Variants in PHC2 observed in about 807,000 individuals in gnomAD.
The protein encoded by PHC2 is polyhomeotic-like protein 2.
In PHC2, 29 loss-of-function variants were observed where a neutral mutation model predicts 87.4. That is an observed-to-expected ratio of 0.33 (90% confidence interval 0.25 to 0.45). The LOEUF (loss-of-function observed/expected upper bound fraction) is 0.45, where lower values mean the gene tolerates loss of function less well. Ranked by LOEUF, PHC2 falls within the 20% of genes least tolerant of loss-of-function variation. PHC2 has a pLI of 1.00. For missense variants in PHC2, 857 were observed against 1,136.7 expected (o/e 0.75, Z 3.54); for synonymous variants, 438 against 461.7 (o/e 0.95, Z 0.66).
intron 1 of PHC2, among the ~76,000 whole-genome samples, chr1:33,391,870 T>G (rs1473621277): frequency 6.6e-6 from 1 of 152,112 alleles, no homozygotes; most frequent in East Asian, 1.9e-4. Flanking sequence ...GGCAATTAGC[T>G]TGGCTGGGAT....
At chr1:33,345,439 G>T in intron 9 of PHC2, 1 of 528,770 alleles carries the variant, frequency 1.9e-6, no homozygotes, top group Non-Finnish European at 2.4e-6. Context: ...AATATCATTT[G>T]GAAATTGGAA....
intron 1 of PHC2, among the ~76,000 whole-genome samples, chr1:33,389,059 TAAAA>T (rs72505785): frequency 1.5e-5 from 2 of 137,876 alleles, no homozygotes; most frequent in Middle Eastern, 3.6e-3. Context: ...ATGTTCTTGT[TAAAA>T]AAAAAAAAAA....
Position 33,372,386 on chromosome 1 carries a change from T to C in PHC2, c.236A>G (p.Tyr79Cys). 1 of 1,607,122 alleles carries C rather than the reference T, an allele frequency of 6.2e-7. No homozygotes were observed. The highest frequency in any genetic ancestry group is 8.5e-7 in the Non-Finnish European group (1 of 1,176,140). The stretch of plus-strand genomic sequence containing the variant: ...CATGAGGTGCTGCTGCTGGGCGGCG[T>C]ACATCTGCTGCAGGTACTGAGCGGC... ...STAAQYLQQM[Y>C]AAQQQHLMLQ... Residue 79 changes from tyrosine to cysteine, a missense_variant, in exon 3 of 15, where the codon TAC becomes TGC. Coordinates refer to ENST00000683057, the MANE Select transcript of PHC2 (RefSeq NM_001385109.1).
rs145325204 is a variant in PHC2, at chr1:33,392,167, G to GCACACA, written c.-54-16580_-54-16575dup. Among the ~76,000 whole-genome samples, 315 of 150,338 alleles carry GCACACA rather than the reference G, an allele frequency of 2.1e-3. 2 individuals are homozygous for GCACACA. Among genetic ancestry groups the GCACACA allele is most frequent in the African/African-American group, 2.7e-3 (109 of 40,978 alleles). On this transcript the variant is annotated intron_variant, in intron 1 of 14. Coordinates refer to ENST00000683057, the MANE Select transcript of PHC2 (RefSeq NM_001385109.1). ...GCTTCAGCTGTGTGCACACATACGT[G>GCACACA]CACACACACACACACACACACATGC...
At chr1:33,357,554 A>G (rs1422886611) in intron 7 of PHC2, among the ~76,000 whole-genome samples, 1 of 152,166 alleles carries the variant, frequency 6.6e-6, no homozygotes, top group East Asian at 1.9e-4. Context: ...AGGTTTGGGA[A>G]ACTTGGACAC....
Position 33,382,604 on chromosome 1 carries a change from T to G in PHC2, c.-54-7011A>C, listed in dbSNP as rs1437093257. 6.6e-6 allele frequency among the ~76,000 whole-genome samples: 1 copy of G among 152,172 alleles called. No individual in the cohort carries two copies. Among genetic ancestry groups the G allele is most frequent in the Non-Finnish European group, 1.5e-5 (1 of 68,036 alleles). On this transcript the variant is annotated intron_variant, in intron 1 of 14. Transcript: ENST00000683057. This position sits in a 1 kb window ranked among gnomAD's most constrained non-coding sequence, Gnocchi z 4.3. ...TGTGTGGTTTTGTATGAGCCCGGGCTCTGAAGGGCTATGATTCCTATTTAA... is the reference window on the plus strand; with the variant it reads ...TGTGTGGTTTTGTATGAGCCCGGGCGCTGAAGGGCTATGATTCCTATTTAA...
At chr1:33,343,081 G>A (rs1297863139) in intron 9 of PHC2, among the ~76,000 whole-genome samples, 1 of 152,136 alleles carries the variant, frequency 6.6e-6, no homozygotes, top group Non-Finnish European at 1.5e-5. Flanking sequence ...TGTCTGGGAG[G>A]TTTCAGTAAA....
intron 12 of PHC2, 39 bp from the exon 13 acceptor site, chr1:33,330,251 T>C (rs112672522): frequency 1.2e-6 from 2 of 1,609,000 alleles, no homozygotes; most frequent in African/African-American, 1.3e-5. Flanking sequence ...ACAGTAGTCA[T>C]TGTGCTTATG....
Position 33,369,806 on chromosome 1 carries a change from C to A in PHC2, c.576+615G>T, listed in dbSNP as rs1647711851. On this transcript the variant is annotated intron_variant, in intron 5 of 14. Transcript: ENST00000683057. The surrounding 1 kb of genome is among the most constrained non-coding windows in gnomAD (Gnocchi z 4.7). ...CACCCAGGGAGTATGCTGCCATTTT[C>A]CCAGGGCATTCTCCTAAATCTTAGG... 6.6e-6 allele frequency among the ~76,000 whole-genome samples: 1 copy of A among 152,124 alleles called. No homozygotes were observed. Among genetic ancestry groups the A allele is most frequent in the Non-Finnish European group, 1.5e-5 (1 of 68,026 alleles).
intron 7 of PHC2, among the ~76,000 whole-genome samples, chr1:33,359,883 C>CT (rs1167511489): frequency 6.6e-6 from 1 of 152,008 alleles, no homozygotes; most frequent in African/African-American, 2.4e-5. Flanking sequence ...GCCAAGGTGT[C>CT]TAAGAGAGAG....
intron 1 of PHC2, among the ~76,000 whole-genome samples, chr1:33,421,986 C>G (rs1175043700): frequency 6.6e-6 from 1 of 152,120 alleles, no homozygotes; most frequent in Admixed American, 6.5e-5. Flanking sequence ...CCTGGTAAAC[C>G]AAGCCTTTTG....
In PHC2 at chr1:33,370,487, G is replaced by A; in HGVS notation, c.510C>T (p.Leu170=). 2 of 1,614,140 alleles carry A rather than the reference G, an allele frequency of 1.2e-6. No individual in the cohort carries two copies. The highest frequency in any genetic ancestry group is 1.7e-6 in the Non-Finnish European group (2 of 1,179,996). Residue 170 remains leucine (L), a synonymous_variant, in exon 5 of 15, where the codon CTC becomes CTT. Transcript: ENST00000683057. ...GGGCTGGGGAAGACGTGTTGCCCAAGAGCACAGCCTGCTGAGCGATGCCTG... is the reference window on the plus strand; with the variant it reads ...GGGCTGGGGAAGACGTGTTGCCCAAAAGCACAGCCTGCTGAGCGATGCCTG... ...AASGIAQQAV[L]LGNTSSPALT...
At position 33,431,065 on chromosome 1, in the gene PHC2, C is replaced by G. The variant is rs929188447; in HGVS notation, c.-144G>C. 3.7e-4 allele frequency: 56 copies of G among 151,908 alleles called. No homozygotes were observed. The highest frequency in any genetic ancestry group is 1.3e-3 in the African/African-American group (53 of 41,458). The allele number at this position is 151,908 out of a possible 1,614,324, so 9.4% of individuals were successfully genotyped here. A position where few individuals can be genotyped will look rare whatever the true frequency, so the allele number is the denominator to read the frequency against. On this transcript the variant is annotated 5_prime_UTR_variant, in exon 1 of 15. Coordinates refer to ENST00000683057, the MANE Select transcript of PHC2 (RefSeq NM_001385109.1). ...GCCCCCTCGGCTCGGCGCCGCGCAC[C>G]CTGCTGGCTGCTCGGACGCTGCCCG... is the stretch of plus-strand genomic sequence containing the variant.
At chr1:33,365,656 C>G (rs1557835193) in intron 7 of PHC2, among the ~76,000 whole-genome samples, 1 of 152,210 alleles carries the variant, frequency 6.6e-6, no homozygotes, top group East Asian at 1.9e-4. Context: ...CCATGCCAGA[C>G]AGTGAGAAAC....
At chr1:33,370,628 T>C in intron 4 of PHC2, 43 bp from the exon 5 acceptor site, 1 of 1,554,984 alleles carries the variant, frequency 6.4e-7, no homozygotes, top group East Asian at 2.3e-5. Flanking sequence ...GAGGTTCTGT[T>C]GGTGAGCTGT....
intron 1 of PHC2, among the ~76,000 whole-genome samples, chr1:33,393,857 A>G (rs563196984): frequency 1.3e-5 from 2 of 152,344 alleles, no homozygotes; most frequent in South Asian, 2.1e-4. Context: ...GGAGTTTTAC[A>G]TACTTGTAAG....
intron 7 of PHC2, among the ~76,000 whole-genome samples, chr1:33,360,241 G>A (rs1002720164): frequency 6.6e-6 from 1 of 152,246 alleles, no homozygotes; most frequent in African/African-American, 2.4e-5. Context: ...GATTATGCTT[G>A]AAGGTTCTTA....
chr1:33,398,116 T>C (rs1383977056), intron 1 of PHC2, among the ~76,000 whole-genome samples: 1 of 152,260 alleles, frequency 6.6e-6, no homozygotes, highest in African/African-American at 2.4e-5. Flanking sequence ...TTTGCTTCTC[T>C]TTCCTCCTGA....
intron 9 of PHC2, chr1:33,346,981 G>GAGTTCAATTGTGT: frequency 2.0e-6 from 2 of 985,466 alleles, no homozygotes. Context: ...GAGGTAAGAA[G>GAGTTCAATTGTGT]AGTTCAATTG....
Sources: allele counts gnomAD v4.1 joint callset (sites outside exome capture counted in the v4.1 genomes callset), GRCh38; gene constraint gnomAD v4.1.1; non-coding constraint Gnocchi (gnomAD v3.1); transcripts MANE v1.5; gene names NCBI Gene and HGNC (gene_info 2026-07-23, HGNC 2026-07-21).